Variants in FHIT observed in about 807,000 individuals in gnomAD.
FHIT encodes the protein fragile histidine triad diadenosine triphosphatase.
Under a neutral mutation model 17.9 loss-of-function variants are expected in FHIT, and 19 were observed. The ratio of observed to expected loss-of-function variants is 1.06; its 90% CI spans 0.74 to 1.56. The LOEUF (loss-of-function observed/expected upper bound fraction) is 1.56, where lower values mean the gene tolerates loss of function less well. FHIT is among the 40% of genes most tolerant of loss of function. The pLI is 0.00. For missense variants in FHIT, 248 were observed against 189.2 expected, an observed-to-expected ratio of 1.31 and a Z score of -1.82; for synonymous variants, 81 against 69.7, an observed-to-expected ratio of 1.16 and a Z score of -0.81.
chr3:60,606,355 C>G (rs34970155), intron 4 of FHIT, among the ~76,000 whole-genome samples: 45,630 of 151,482 alleles, frequency 0.3, 7,164 homozygotes, highest in East Asian at 0.51. Flanking sequence ...ATTCTCATGC[C>G]TCAGCCTCCC....
intron 5 of FHIT, among the ~76,000 whole-genome samples, chr3:60,530,828 T>C (rs2035749639): frequency 1.3e-5 from 2 of 152,364 alleles, no homozygotes; most frequent in African/African-American, 4.8e-5. Context: ...CTTTGAATGA[T>C]GACAGCATCC....
At chr3:60,179,920 G>C (rs530990362) in intron 5 of FHIT, among the ~76,000 whole-genome samples, 1 of 152,280 alleles carries the variant, frequency 6.6e-6, no homozygotes, top group Non-Finnish European at 1.5e-5. Flanking sequence ...AGGTCAAATA[G>C]ATTCAAGATG....
intron 1 of FHIT, among the ~76,000 whole-genome samples, chr3:61,212,300 T>C (rs934034235): frequency 6.6e-6 from 1 of 152,118 alleles, no homozygotes; most frequent in African/African-American, 2.4e-5. Flanking sequence ...TACAGAGAAG[T>C]GCTTAAAGGA....
At chr3:60,871,896 C>G (rs1559790690) in intron 3 of FHIT, among the ~76,000 whole-genome samples, 1 of 152,008 alleles carries the variant, frequency 6.6e-6, no homozygotes. Context: ...CTTCTGGACT[C>G]AAATGATCCT....
Position 59,922,346 on chromosome 3 carries a change from C to G in FHIT, c.348G>C (p.Glu116Asp), listed in dbSNP as rs770237121. 5.6e-6 allele frequency: 9 copies of G among 1,612,780 alleles called. No homozygotes were observed. The South Asian group carries it at 9.9e-5, about 18-fold the overall frequency. Residue 116 changes from glutamate (E) to aspartate (D), a missense_variant and splice_region_variant, in exon 8 of 10, where the codon GAG (glutamate) becomes GAC (aspartate). By Grantham distance (45) the Glu-to-Asp change is conservative. Transcript: ENST00000492590. ...DFHRNDSIYE[E>D]LQKHDKEDFP... ...ATAAGATCAGAGAGAACAGACCCAC[C>G]TCCTCATAGATGCTGTCATTCCTGT... is the stretch of plus-strand genomic sequence containing the variant.
chr3:60,555,095 T>C (rs1272562526), intron 4 of FHIT, among the ~76,000 whole-genome samples: 1 of 152,230 alleles, frequency 6.6e-6, no homozygotes, highest in Non-Finnish European at 1.5e-5. Context: ...TAGAAGTATA[T>C]AATGCACATC....
intron 5 of FHIT, among the ~76,000 whole-genome samples, chr3:60,432,737 A>G (rs1702967066): frequency 6.6e-6 from 1 of 152,146 alleles, no homozygotes; most frequent in African/African-American, 2.4e-5. Context: ...AGCATTGGTG[A>G]CAGGAGTAAA....
At chr3:60,214,418 G>A (rs1703602277) in intron 5 of FHIT, among the ~76,000 whole-genome samples, 1 of 152,084 alleles carries the variant, frequency 6.6e-6, no homozygotes, top group Admixed American at 6.6e-5. Context: ...TTCTATGCTT[G>A]AGTTCTTAGA....
At chr3:60,887,563 T>C (rs1705286065) in intron 3 of FHIT, among the ~76,000 whole-genome samples, 1 of 151,986 alleles carries the variant, frequency 6.6e-6, no homozygotes, top group African/African-American at 2.4e-5. Flanking sequence ...GGAGAGTCGC[T>C]TGAACCCAGG....
At chr3:60,063,118 C>T (rs1339725930) in intron 5 of FHIT, among the ~76,000 whole-genome samples, 3 of 152,086 alleles carry the variant, frequency 2.0e-5, no homozygotes, top group South Asian at 4.2e-4. Flanking sequence ...GACACTTGGA[C>T]AGAGAAACCA....
intron 5 of FHIT, among the ~76,000 whole-genome samples, chr3:60,075,460 G>C (rs1018139962): frequency 2.6e-5 from 4 of 152,104 alleles, no homozygotes; most frequent in African/African-American, 9.7e-5. Context: ...AGAACTCCAT[G>C]AATCCAATTA....
At chr3:60,321,360 C>CA (rs763430076) in intron 5 of FHIT, among the ~76,000 whole-genome samples, 1 of 152,120 alleles carries the variant, frequency 6.6e-6, no homozygotes, top group Admixed American at 6.6e-5. Context: ...CCTGTAGTCT[C>CA]AGCTACTCAG....
At chr3:60,004,513 T>G (rs992188536) in intron 7 of FHIT, among the ~76,000 whole-genome samples, 1 of 152,130 alleles carries the variant, frequency 6.6e-6, no homozygotes, top group Non-Finnish European at 1.5e-5. Flanking sequence ...CCTCTGGATA[T>G]TTTTAGATGG....
chr3:60,396,174 G>T (rs556544944), intron 5 of FHIT, among the ~76,000 whole-genome samples: 145 of 152,050 alleles, frequency 9.5e-4, no homozygotes, highest in Non-Finnish European at 1.6e-3. Flanking sequence ...TTGATATTTG[G>T]GTAAGTCTCC....
chr3:60,866,084 A>T (rs1340448303), intron 3 of FHIT, among the ~76,000 whole-genome samples: 1 of 152,116 alleles, frequency 6.6e-6, no homozygotes, highest in East Asian at 1.9e-4. Context: ...AAAGGCTCCA[A>T]ACTCCTGCCA....
At chr3:60,061,552 T>G (rs1484203858) in intron 5 of FHIT, among the ~76,000 whole-genome samples, 1 of 152,176 alleles carries the variant, frequency 6.6e-6, no homozygotes, top group Non-Finnish European at 1.5e-5. Context: ...GTTTTGTCAG[T>G]GAGTAATTAT....
chr3:59,825,162 G>C (rs1248963198), intron 8 of FHIT, among the ~76,000 whole-genome samples: 2 of 152,186 alleles, frequency 1.3e-5, no homozygotes, highest in Non-Finnish European at 2.9e-5. Context: ...CAGAGGGTTT[G>C]ATTCTTTTTC....
chr3:60,455,764 G>T (rs1252596959), intron 5 of FHIT, among the ~76,000 whole-genome samples: 1 of 152,090 alleles, frequency 6.6e-6, no homozygotes, highest in Non-Finnish European at 1.5e-5. Context: ...ATTTGTGGTA[G>T]TAGCTGCATG....
At chr3:60,553,442 AT>A in intron 4 of FHIT, 5 of 342,670 alleles carry the variant, frequency 1.5e-5, no homozygotes, top group Non-Finnish European at 2.0e-5. Context: ...CTGCTTTAAA[AT>A]ATATATATAT....
Sources: allele counts gnomAD v4.1 joint callset (sites outside exome capture counted in the v4.1 genomes callset), GRCh38; gene constraint gnomAD v4.1.1; transcripts MANE v1.5; gene names NCBI Gene and HGNC (gene_info 2026-07-23, HGNC 2026-07-21).